The following UBAP2 variants were observed in gnomAD, a reference collection of about 807,000 sequenced individuals.
The protein encoded by UBAP2 is ubiquitin-associated protein 2.
UBAP2 carries 75 observed loss-of-function variants against 139.6 expected under a neutral mutation model. The observed-to-expected ratio is 0.54, with a 90% confidence interval of 0.45 to 0.65. The LOEUF (loss-of-function observed/expected upper bound fraction) is 0.65, where lower values mean the gene tolerates loss of function less well. Among genes scored for constraint, UBAP2 ranks in the 30% least tolerant of loss-of-function variants. The pLI is 0.00. For missense variants in UBAP2, 1,368 were observed against 1,369.6 expected (o/e 1.00, Z 0.02); for synonymous variants, 526 against 526.2 (o/e 1.00, Z 0.01).
At chr9:33,937,869 C>T (rs576471502) in intron 16 of UBAP2, among the ~76,000 whole-genome samples, 1 of 152,152 alleles carries the variant, frequency 6.6e-6, no homozygotes, top group African/African-American at 2.4e-5. Flanking sequence ...TTGCAGTGAG[C>T]CGGGACCGTG....
chr9:34,030,427 C>A (rs1404025935), intron 1 of UBAP2, among the ~76,000 whole-genome samples: 1 of 151,634 alleles, frequency 6.6e-6, no homozygotes, highest in Non-Finnish European at 1.5e-5. Context: ...CCAGCCTGGG[C>A]GACAGAGCCA....
intron 8 of UBAP2, chr9:33,968,196 C>T (rs1476828986): frequency 3.3e-6 from 2 of 614,724 alleles, no homozygotes; most frequent in Non-Finnish European, 6.3e-6. Flanking sequence ...ATATTTGGTG[C>T]ATTCGATTGG....
At chr9:34,035,249 T>TC (rs1405333465) in intron 1 of UBAP2, among the ~76,000 whole-genome samples, 1 of 151,812 alleles carries the variant, frequency 6.6e-6, no homozygotes, top group African/African-American at 2.4e-5. Context: ...ACGCCTGTAA[T>TC]CCCAGCACTT....
At chr9:33,968,354 G>A in intron 8 of UBAP2, 1 of 579,564 alleles carries the variant, frequency 1.7e-6, no homozygotes, top group Admixed American at 1.9e-5. Context: ...AACACTTTGA[G>A]GTTCAACAAT....
intron 2 of UBAP2, among the ~76,000 whole-genome samples, chr9:33,999,986 C>T (rs1212412360): frequency 6.6e-6 from 1 of 151,700 alleles, no homozygotes; most frequent in African/African-American, 2.4e-5. Flanking sequence ...CTCACTCTGT[C>T]GCCCAGGCTG....
At chr9:33,956,896 T>C (rs557194633) in intron 10 of UBAP2, among the ~76,000 whole-genome samples, 109 of 151,372 alleles carry the variant, frequency 7.2e-4, no homozygotes, top group Admixed American at 2.1e-3. Flanking sequence ...GGCAGGAGGA[T>C]TGCTTGAGGC....
intron 1 of UBAP2, among the ~76,000 whole-genome samples, chr9:34,042,244 T>G (rs543152099): frequency 1.8e-3 from 278 of 150,904 alleles, no homozygotes; most frequent in African/African-American, 6.6e-3. Context: ...CTTTGGGAGC[T>G]CAGGTGGGCG....
At chr9:34,017,472 T>C (rs950526648) in intron 1 of UBAP2, among the ~76,000 whole-genome samples, 2 of 152,222 alleles carry the variant, frequency 1.3e-5, no homozygotes, top group South Asian at 4.1e-4. Flanking sequence ...TCACTGTACA[T>C]GAAGTGCTAT....
At chr9:33,956,886 G>C (rs961054037) in intron 10 of UBAP2, among the ~76,000 whole-genome samples, 2 of 151,858 alleles carry the variant, frequency 1.3e-5, no homozygotes, top group African/African-American at 4.8e-5. Flanking sequence ...GGGCAGCCGA[G>C]GCAGGAGGAT....
chr9:33,946,965 G>A (rs1392567394), intron 13 of UBAP2, among the ~76,000 whole-genome samples: 3 of 152,168 alleles, frequency 2.0e-5, no homozygotes, highest in Non-Finnish European at 4.4e-5. Context: ...TATGTACTTG[G>A]CAAAGGGTGC....
rs957894806 is a variant in UBAP2 at position 33,922,883 on chromosome 9, A to G, written c.3073-5T>C. ...AAATCCCTGCTTGTCAAAAGTCTAC[A>G]GGGCAAAGAAGACAATGGTGAAGGT... On this transcript the variant is annotated splice_region_variant and splice_polypyrimidine_tract_variant and intron_variant, in intron 27 of 28. Coordinates refer to ENST00000379238, the MANE Select transcript of UBAP2 (RefSeq NM_001370062.2). 1.9e-6 allele frequency: 3 copies of G among 1,604,022 alleles called. No individual in the cohort carries two copies. In the African/African-American group the frequency reaches 4.0e-5, roughly 21 times the overall value.
At chr9:33,941,902 TTAAA>T (rs760029194) in intron 15 of UBAP2, 40 bp from the exon 16 acceptor site, 1 of 1,450,132 alleles carries the variant, frequency 6.9e-7, no homozygotes, top group African/African-American at 1.5e-5. Context: ...TTTTGTTACT[TTAAA>T]TAGCTTCATA....
At chr9:33,975,334 A>G (rs548626686) in intron 6 of UBAP2, among the ~76,000 whole-genome samples, 3 of 151,362 alleles carry the variant, frequency 2.0e-5, no homozygotes, top group East Asian at 3.9e-4. Context: ...TGGGAGGCTG[A>G]GGCAGGAGAA....
At chr9:33,935,786 CCT>C (rs1197769787) in intron 17 of UBAP2, 51 bp downstream of exon 17, 3 of 1,604,296 alleles carry the variant, frequency 1.9e-6, no homozygotes, top group Non-Finnish European at 2.6e-6. Flanking sequence ...CTATCCTCTT[CCT>C]CTGTTTGGTT....
intron 9 of UBAP2, 133 bp downstream of exon 9, chr9:33,963,593 C>A: frequency 3.8e-6 from 2 of 532,224 alleles, no homozygotes; most frequent in South Asian, 5.6e-5. Context: ...ATCTGATTAC[C>A]AAATAAATAG....
intron 12 of UBAP2, chr9:33,948,915 C>T: frequency 4.5e-6 from 1 of 223,496 alleles, no homozygotes; most frequent in Non-Finnish European, 9.1e-6. Flanking sequence ...TTTGGGAGGC[C>T]AAGGTAGGTG....
chr9:33,947,734 A>C (rs1825752730), intron 13 of UBAP2, among the ~76,000 whole-genome samples: 1 of 151,772 alleles, frequency 6.6e-6, no homozygotes, highest in Admixed American at 6.6e-5. Context: ...CTGAGGTGGG[A>C]GGATGGACTG....
chr9:34,048,917 G>A (rs1416697240), upstream of UBAP2: 1 of 152,248 alleles, frequency 6.6e-6, no homozygotes. Flanking sequence ...CGGCGGCACA[G>A]GCTGCCCAAC....
intron 1 of UBAP2, among the ~76,000 whole-genome samples, chr9:34,041,169 C>G (rs1350791539): frequency 6.6e-6 from 1 of 151,926 alleles, no homozygotes; most frequent in African/African-American, 2.4e-5. Context: ...AAGAAATCAA[C>G]GGGCCGGGCA....
Sources: allele counts gnomAD v4.1 joint callset (sites outside exome capture counted in the v4.1 genomes callset), GRCh38; gene constraint gnomAD v4.1.1; transcripts MANE v1.5; gene names NCBI Gene and HGNC (gene_info 2026-07-23, HGNC 2026-07-21).